CACNA2D1: variants seen among roughly 807,000 people sequenced by gnomAD.
The protein encoded by CACNA2D1 is voltage-dependent calcium channel subunit alpha-2/delta-1.
A neutral mutation model predicts 171.5 loss-of-function variants in CACNA2D1; 53 were observed. The observed-to-expected ratio is 0.31, with a 90% CI of 0.25 to 0.39. CACNA2D1 has a LOEUF of 0.39. CACNA2D1 is among the 10% of genes least tolerant of loss of function. CACNA2D1 has a pLI of 1.00. For synonymous variants in CACNA2D1, 442 were observed against 443.1 expected (o/e 1.00, Z 0.03); for missense variants, 903 against 1,299.8 (o/e 0.69, Z 4.69).
intron 1 of CACNA2D1, among the ~76,000 whole-genome samples, chr7:82,364,684 T>C (rs1487046773): frequency 6.6e-6 from 1 of 152,176 alleles, no homozygotes; most frequent in East Asian, 1.9e-4. Context: ...CAAAAGCACA[T>C]GGAAATCACC....
At chr7:81,977,740 G>A (rs1392190680) in intron 24 of CACNA2D1, among the ~76,000 whole-genome samples, 1 of 152,074 alleles carries the variant, frequency 6.6e-6, no homozygotes, top group Non-Finnish European at 1.5e-5. Flanking sequence ...ATTGACAAAT[G>A]GTATCTAATT....
chr7:81,950,314 A>G lies in CACNA2D1; in HGVS notation c.*78T>C. The G allele has an allele frequency of 6.2e-7, 1 of 1,611,984 alleles. No homozygotes were observed. On this transcript the variant is annotated 3_prime_UTR_variant, in exon 39 of 39. Coordinates refer to ENST00000356860, the MANE Select transcript of CACNA2D1 (RefSeq NM_000722.4). The stretch of plus-strand genomic sequence containing the variant: ...TTTGTCTGATTTTATAGCTGACCCT[A>G]CGTTACTGTAATTGAGGGCAGGGCT...
chr7:82,280,261 T>TCATGTA (rs1446832054), intron 3 of CACNA2D1, among the ~76,000 whole-genome samples: 1 of 152,190 alleles, frequency 6.6e-6, no homozygotes, highest in Non-Finnish European at 1.5e-5. Context: ...GTGTGCATGC[T>TCATGTA]CATGTACATG....
intron 1 of CACNA2D1, among the ~76,000 whole-genome samples, chr7:82,365,314 T>C (rs946755273): frequency 2.4e-4 from 36 of 152,220 alleles, no homozygotes; most frequent in Admixed American, 1.9e-3. Context: ...ACTTTTAAGG[T>C]ATACAATTTT....
intron 4 of CACNA2D1, among the ~76,000 whole-genome samples, chr7:82,161,634 C>T (rs1045602455): frequency 6.6e-6 from 1 of 151,998 alleles, no homozygotes; most frequent in Non-Finnish European, 1.5e-5. Flanking sequence ...GAAAGTGATC[C>T]TTTGAGATGC....
chr7:81,956,781 A>T (rs1006918427), intron 38 of CACNA2D1, among the ~76,000 whole-genome samples: 2 of 152,122 alleles, frequency 1.3e-5, no homozygotes, highest in Non-Finnish European at 2.9e-5. Flanking sequence ...AAACACAACG[A>T]AAGTGCGTGC....
intron 3 of CACNA2D1, among the ~76,000 whole-genome samples, chr7:82,321,585 C>T (rs2129438843): frequency 6.6e-6 from 1 of 152,192 alleles, no homozygotes; most frequent in Middle Eastern, 3.4e-3. Flanking sequence ...GTGTATAAAG[C>T]ACTTCCCACA....
chr7:82,115,521 ATC>A lies in CACNA2D1; in HGVS notation c.526+1521_526+1522del, dbSNP rs529355616. ...TAAGGCTCATGTAAAAAGAAACTAT[ATC>A]TATACACACACACACATATATATAC... On this transcript the variant is annotated intron_variant, in intron 6 of 38. Coordinates refer to ENST00000356860, the MANE Select transcript of CACNA2D1 (RefSeq NM_000722.4). Among the ~76,000 whole-genome samples the A allele has an allele frequency of 2.4e-3, 372 of 152,046 alleles. 4 individuals are homozygous for A. The South Asian group carries it at 0.027, about 11-fold the overall frequency.
At chr7:82,209,371 G>A (rs1585105129) in intron 3 of CACNA2D1, among the ~76,000 whole-genome samples, 1 of 152,178 alleles carries the variant, frequency 6.6e-6, no homozygotes, top group Non-Finnish European at 1.5e-5. Flanking sequence ...CTGGGATTAA[G>A]ATGTCCTAAG....
chr7:82,135,345 A>T (rs75207456), intron 5 of CACNA2D1, among the ~76,000 whole-genome samples: 1 of 152,110 alleles, frequency 6.6e-6, no homozygotes, highest in African/African-American at 2.4e-5. Context: ...TTATTTTGAT[A>T]TCAATAAACC....
rs987313543 is a variant in CACNA2D1 at position 82,237,644 on chromosome 7, G to A, written c.295-67035C>T. 4.6e-5 allele frequency among the ~76,000 whole-genome samples: 7 copies of A among 151,956 alleles called. No individual in the cohort carries two copies. In the East Asian group the frequency reaches 7.7e-4, roughly 17 times the overall value. On this transcript the variant is annotated intron_variant, in intron 3 of 38. Coordinates refer to ENST00000356860, the MANE Select transcript of CACNA2D1 (RefSeq NM_000722.4). Reference sequence around the variant, plus strand: ...GATTGCAAGCTAAAACACACATTAAGTATAAGCATTTGCAAAGATAGGACA... The same window carrying A: ...GATTGCAAGCTAAAACACACATTAAATATAAGCATTTGCAAAGATAGGACA...
chr7:82,393,031 G>GAGGAAGGAAGGAAGAA (rs1825319768), intron 1 of CACNA2D1, among the ~76,000 whole-genome samples: 1 of 75,836 alleles, frequency 1.3e-5, no homozygotes, highest in Non-Finnish European at 2.5e-5. Context: ...GACAGAGAGA[G>GAGGAAGGAAGGAAGAA]AGGAAGGAAG....
chr7:82,154,663 A>G (rs7785769), intron 4 of CACNA2D1, among the ~76,000 whole-genome samples: 45,141 of 152,094 alleles, frequency 0.3, 6,777 homozygotes, highest in Middle Eastern at 0.35. Context: ...AGAGTATTGT[A>G]CTGAAATTAA....
upstream of CACNA2D1, chr7:82,443,856 G>A (rs554635558): frequency 2.0e-5 from 9 of 451,054 alleles, no homozygotes; most frequent in Middle Eastern, 6.2e-4. Context: ...GCGGAGGAGG[G>A]GTGACGGCGC....
Position 81,947,154 on chromosome 7 carries a change from C to G in CACNA2D1, c.*3238G>C, listed in dbSNP as rs1053122487. 7.9e-5 allele frequency: 12 copies of G among 151,662 alleles called. No homozygotes were observed. The highest frequency in any genetic ancestry group is 2.2e-4 in the African/African-American group (9 of 41,304). 9.4% of individuals were successfully genotyped at this position (151,662 alleles called of 1,614,324 possible). A position where few individuals can be genotyped will look rare whatever the true frequency, so the allele number is the denominator to read the frequency against. On this transcript the variant is annotated 3_prime_UTR_variant, in exon 39 of 39. Coordinates refer to ENST00000356860, the MANE Select transcript of CACNA2D1 (RefSeq NM_000722.4). ...AATCTTAAGCTTTGTTGGTCACAGA[C>G]AAAGATTTAAATGAGATTTAAAATA...
chr7:82,319,563 TA>T (rs1254804795), intron 3 of CACNA2D1, among the ~76,000 whole-genome samples: 2 of 152,248 alleles, frequency 1.3e-5, no homozygotes, highest in Non-Finnish European at 2.9e-5. Context: ...TTTATTTAGT[TA>T]TTTTTTTGTT....
At chr7:81,965,686 G>GTT (rs1794645822) in intron 31 of CACNA2D1, 21 bp from the exon 32 acceptor site, 1 of 1,466,332 alleles carries the variant, frequency 6.8e-7, no homozygotes, top group Non-Finnish European at 9.6e-7. Flanking sequence ...AAAGTGAACA[G>GTT]TTAACACATT....
intron 7 of CACNA2D1, among the ~76,000 whole-genome samples, chr7:82,067,469 C>T (rs1807789117): frequency 6.6e-6 from 1 of 151,978 alleles, no homozygotes; most frequent in South Asian, 2.1e-4. Context: ...ATAATTTGGC[C>T]AATTAGGATA....
chr7:82,062,815 ACT>A (rs1254869641), intron 9 of CACNA2D1, among the ~76,000 whole-genome samples: 5 of 132,338 alleles, frequency 3.8e-5, no homozygotes, highest in African/African-American at 1.2e-4. Context: ...AACACAACTC[ACT>A]GTAGCCCCCA....
Sources: allele counts gnomAD v4.1 joint callset (sites outside exome capture counted in the v4.1 genomes callset), GRCh38; gene constraint gnomAD v4.1.1; transcripts MANE v1.5; gene names NCBI Gene and HGNC (gene_info 2026-07-23, HGNC 2026-07-21).